The following RPGRIP1L variants were observed in gnomAD, a reference collection of about 807,000 sequenced individuals.
RPGRIP1L encodes protein fantom.
In RPGRIP1L, 131 loss-of-function variants were observed where a neutral mutation model predicts 160.4. That is an observed-to-expected ratio of 0.82 (90% CI 0.71 to 0.94). RPGRIP1L has a LOEUF of 0.94. Among genes scored for constraint, RPGRIP1L ranks in the 40% least tolerant of loss-of-function variants. The pLI, the probability that RPGRIP1L is intolerant of heterozygous loss-of-function variation, is 0.00. For missense variants in RPGRIP1L, 1,522 were observed against 1,535.8 expected (o/e 0.99, Z 0.15); for synonymous variants, 510 against 515.8 (o/e 0.99, Z 0.15).
At chr16:53,640,683 G>A (rs905512355) in intron 19 of RPGRIP1L, among the ~76,000 whole-genome samples, 3 of 152,108 alleles carry the variant, frequency 2.0e-5, no homozygotes, top group South Asian at 4.1e-4. Context: ...TGTGACCTTA[G>A]TAAGAGTAGT....
intron 25 of RPGRIP1L, among the ~76,000 whole-genome samples, chr16:53,608,656 C>T (rs946722317): frequency 1.3e-5 from 2 of 152,110 alleles, no homozygotes; most frequent in Non-Finnish European, 2.9e-5. Flanking sequence ...GGGGAAGATA[C>T]ATCAAACTTC....
chr16:53,657,243 A>G (rs2151155065), intron 13 of RPGRIP1L, among the ~76,000 whole-genome samples: 1 of 152,172 alleles, frequency 6.6e-6, no homozygotes, highest in Middle Eastern at 3.4e-3. Flanking sequence ...TCTGTCTCAA[A>G]AAAAAAACCA....
chr16:53,618,999 C>G (rs1320140992), intron 24 of RPGRIP1L, 26 bp downstream of exon 24: 3 of 1,557,464 alleles, frequency 1.9e-6, no homozygotes. Context: ...ACATAAAAGT[C>G]TATATTACAA....
intron 25 of RPGRIP1L, among the ~76,000 whole-genome samples, chr16:53,605,900 C>G (rs1006968576): frequency 6.6e-6 from 1 of 152,190 alleles, no homozygotes; most frequent in East Asian, 1.9e-4. Context: ...CAGATGTTCA[C>G]TCAATTACAT....
intron 17 of RPGRIP1L, among the ~76,000 whole-genome samples, chr16:53,643,478 T>C (rs1966367952): frequency 6.6e-6 from 1 of 152,018 alleles, no homozygotes; most frequent in Non-Finnish European, 1.5e-5. Context: ...ATTCGGAAAG[T>C]AAAAGCTGAG....
chr16:53,694,035 C>T (rs1395644407), intron 3 of RPGRIP1L: 1 of 152,126 alleles, frequency 6.6e-6, no homozygotes, highest in Non-Finnish European at 1.5e-5. Flanking sequence ...AACATGATTG[C>T]ATCTGTTTGT....
chr16:53,678,181 C>A (rs1969331410), intron 6 of RPGRIP1L, among the ~76,000 whole-genome samples: 1 of 150,116 alleles, frequency 6.7e-6, no homozygotes, highest in Non-Finnish European at 1.5e-5. Context: ...ATGATCAAAT[C>A]TTATAAAACT....
At position 53,649,026 on chromosome 16, in the gene RPGRIP1L, C is replaced by T. The variant is rs1475089401; in HGVS notation, c.2242G>A (p.Glu748Lys). 1 of 1,614,034 alleles carries T rather than the reference C, an allele frequency of 6.2e-7. No individual in the cohort carries two copies. The highest frequency in any genetic ancestry group is 1.7e-4 in the Middle Eastern group (1 of 6,060). ...ATATACCCCAAAGCCTTTGCCCTTT[C>T]TCGATAAAGTCGAATTGCTTGATCC... ...PMDQAIRLYR[E>K]RAKALGYITS... is the part of the protein sequence containing the mutation. The change falls in exon 16 of 27, where the codon GAA becomes AAA. Residue 748 changes from glutamate (E) to lysine (K), a missense_variant. Physicochemically the swap from Glu to Lys is moderately conservative, Grantham distance 56. Transcript: ENST00000647211.
chr16:53,669,309 A>G (rs939969162), intron 9 of RPGRIP1L, among the ~76,000 whole-genome samples: 5 of 152,144 alleles, frequency 3.3e-5, no homozygotes, highest in African/African-American at 1.2e-4. Context: ...TGCTTATGTT[A>G]CATTAATTTT....
chr16:53,695,882 C>T (rs1970716565), intron 3 of RPGRIP1L: 1 of 356,100 alleles, frequency 2.8e-6, no homozygotes, highest in Non-Finnish European at 5.1e-6. Context: ...AAATATTAAA[C>T]CAAAAGTTAT....
At chr16:53,607,868 A>C in intron 25 of RPGRIP1L, 1 of 409,990 alleles carries the variant, frequency 2.4e-6, no homozygotes, top group Non-Finnish European at 3.3e-6. Context: ...TAAGAATTAA[A>C]AGTAATTTTT....
intron 2 of RPGRIP1L, among the ~76,000 whole-genome samples, chr16:53,696,866 G>A (rs1375971007): frequency 6.6e-6 from 1 of 152,148 alleles, no homozygotes; most frequent in Non-Finnish European, 1.5e-5. Context: ...TCTTTAGCAT[G>A]TGTTTATGAT....
chr16:53,618,007 T>C (rs1440963217), intron 24 of RPGRIP1L, among the ~76,000 whole-genome samples: 1 of 152,230 alleles, frequency 6.6e-6, no homozygotes, highest in Non-Finnish European at 1.5e-5. Context: ...TAAGCTGTTT[T>C]AGCTTAGGGT....
rs1171793215 is a variant in RPGRIP1L at position 53,658,469 on chromosome 16, A to C, written c.1351-5T>G. 2.5e-6 allele frequency: 4 copies of C among 1,602,778 alleles called. No individual in the cohort carries two copies. Among genetic ancestry groups the C allele is most frequent in the Non-Finnish European group, 3.4e-6 (4 of 1,170,042 alleles). ...ATCAGCATTAATATCATTCTCCTGC[A>C]ATAGATTAAGTAAAAGCTCACAATG... On this transcript the variant is annotated splice_polypyrimidine_tract_variant and splice_region_variant and intron_variant, in intron 11 of 26. Coordinates refer to ENST00000647211, the MANE Select transcript of RPGRIP1L (RefSeq NM_015272.5).
At chr16:53,686,310 A>C in intron 6 of RPGRIP1L, 123 bp downstream of exon 6, 1 of 1,080,796 alleles carries the variant, frequency 9.3e-7, no homozygotes. Flanking sequence ...GGCTTATATG[A>C]AGAATGTTAA....
chr16:53,625,564 G>A (rs1414983285), intron 22 of RPGRIP1L, among the ~76,000 whole-genome samples: 1 of 147,520 alleles, frequency 6.8e-6, no homozygotes, highest in Non-Finnish European at 1.5e-5. Flanking sequence ...TCTTGGGGGT[G>A]GGGGGGCCCC....
chr16:53,656,635 A>G (rs1423816936), intron 13 of RPGRIP1L, 46 bp from the exon 14 acceptor site: 2 of 1,282,818 alleles, frequency 1.6e-6, no homozygotes, highest in Admixed American at 1.7e-5. Flanking sequence ...GATTAGTTCT[A>G]TTTTCATTAT....
At position 53,672,860 on chromosome 16, in the gene RPGRIP1L, G is replaced by T. The variant is rs542635220; in HGVS notation, c.1029+10C>A. The T allele has an allele frequency of 1.4e-5, 23 of 1,609,790 alleles. No homozygotes were observed. The African/African-American group carries it at 2.8e-4, about 20-fold the overall frequency. ...AATGCAACAGATGGCTAAACTCTTT[G>T]GGAGCTTACCTCTTCTATTCTTCTT... On this transcript the variant is annotated intron_variant, in intron 8 of 26. Coordinates refer to ENST00000647211, the MANE Select transcript of RPGRIP1L (RefSeq NM_015272.5).
chr16:53,652,482 T>C, intron 15 of RPGRIP1L, 53 bp downstream of exon 15: 1 of 1,374,288 alleles, frequency 7.3e-7, no homozygotes, highest in Non-Finnish European at 1.0e-6. Flanking sequence ...ACCATAACGA[T>C]ATATAAACCA....
Sources: allele counts gnomAD v4.1 joint callset (sites outside exome capture counted in the v4.1 genomes callset), GRCh38; gene constraint gnomAD v4.1.1; transcripts MANE v1.5; gene names NCBI Gene and HGNC (gene_info 2026-07-23, HGNC 2026-07-21).